Variants in SMAP2 observed in about 807,000 individuals in gnomAD.
SMAP2 encodes small ArfGAP2, also known as stromal membrane-associated protein 2.
In SMAP2, 25 loss-of-function variants were observed where a neutral mutation model predicts 56.4. The observed-to-expected ratio is 0.44, with a 90% CI of 0.32 to 0.62. SMAP2 has a LOEUF of 0.62. SMAP2 is among the 20% of genes least tolerant of loss of function. The probability of loss-of-function intolerance (pLI) is 0.04; values close to 1 mark genes in which losing one functional copy is unlikely to be tolerated. For missense variants in SMAP2, 388 were observed against 545.6 expected, an observed-to-expected ratio of 0.71 and a Z score of 2.88; for synonymous variants, 157 against 181.7, an observed-to-expected ratio of 0.86 and a Z score of 1.09.
intron 1 of SMAP2, among the ~76,000 whole-genome samples, chr1:40,346,543 A>C (rs2124148694): frequency 6.6e-6 from 1 of 151,734 alleles, no homozygotes; most frequent in East Asian, 2.0e-4. Context: ...CTAACTTTTT[A>C]ATTTTTTGTA....
At chr1:40,356,600 C>T (rs779226425) in intron 1 of SMAP2, among the ~76,000 whole-genome samples, 4 of 151,836 alleles carry the variant, frequency 2.6e-5, no homozygotes, top group East Asian at 1.9e-4. Context: ...TTGGTAGAGA[C>T]GGGGTTTCAC....
In SMAP2 at chr1:40,386,199, A is replaced by C. The variant is rs1644652795; in HGVS notation, c.103+11976A>C. ...AAAACAGCAGAGCTGACGGAAACCA[A>C]TTTGAGTGTGACAGCTGATTTGAGA... On this transcript the variant is annotated intron_variant, in intron 1 of 9. Coordinates refer to ENST00000372718, the MANE Select transcript of SMAP2 (RefSeq NM_022733.3). This position sits in a 1 kb window ranked among gnomAD's most constrained non-coding sequence, Gnocchi z 4.1. 6.6e-6 allele frequency among the ~76,000 whole-genome samples: 1 copy of C among 152,230 alleles called. No homozygotes were observed. The highest frequency in any genetic ancestry group is 1.5e-5 in the Non-Finnish European group (1 of 68,040).
chr1:40,420,057 C>G (rs1355026043), intron 9 of SMAP2, among the ~76,000 whole-genome samples: 1 of 152,086 alleles, frequency 6.6e-6, no homozygotes, highest in Admixed American at 6.6e-5. Flanking sequence ...TTTTGGAAAA[C>G]TGTATTTACC....
intron 1 of SMAP2, among the ~76,000 whole-genome samples, chr1:40,396,323 A>G (rs1275285726): frequency 6.6e-6 from 1 of 152,224 alleles, no homozygotes; most frequent in Non-Finnish European, 1.5e-5. Flanking sequence ...CTGACTCAGC[A>G]TTGGACAAGC....
At chr1:40,406,945 C>G (rs1644891181) in intron 2 of SMAP2, 76 bp downstream of exon 2, 1 of 1,486,262 alleles carries the variant, frequency 6.7e-7, no homozygotes, top group Non-Finnish European at 9.1e-7. Flanking sequence ...TCAGTCAAAC[C>G]TGGCACAAAG....
In SMAP2 at chr1:40,413,013, T is replaced by C. The variant is rs759395735; in HGVS notation, c.403-3T>C. On this transcript the variant is annotated splice_polypyrimidine_tract_variant and splice_region_variant and intron_variant, in intron 4 of 9. Transcript: ENST00000372718. ...TGTTCTTTGTCTTGTTAAATCATTA[T>C]AGAAAGAAAAAGATGACAAGTGGAA... is the stretch of plus-strand genomic sequence containing the variant. 7.5e-6 allele frequency: 12 copies of C among 1,605,838 alleles called. No homozygotes were observed. The East Asian group carries it at 1.6e-4, about 21-fold the overall frequency.
At chr1:40,393,600 C>T in intron 1 of SMAP2, 2 of 1,209,682 alleles carry the variant, frequency 1.7e-6, no homozygotes, top group Admixed American at 2.7e-5. Flanking sequence ...GGCTGGAGTA[C>T]AGTGGCTCAA....
At chr1:40,372,659 C>A (rs1312118292), upstream of SMAP2, among the ~76,000 whole-genome samples, 1 of 152,120 alleles carries the variant, frequency 6.6e-6, no homozygotes, top group East Asian at 1.9e-4. Context: ...GAGATGAAAG[C>A]TTTGAGGGGA....
At chr1:40,416,398 C>T in intron 8 of SMAP2, 57 bp downstream of exon 8, 1 of 1,554,480 alleles carries the variant, frequency 6.4e-7, no homozygotes, top group Non-Finnish European at 8.7e-7. Flanking sequence ...GGCTTCCATG[C>T]AGGAATTATT....
intron 1 of SMAP2, among the ~76,000 whole-genome samples, chr1:40,345,458 A>G (rs1644381854): frequency 1.3e-5 from 2 of 150,998 alleles, no homozygotes; most frequent in Non-Finnish European, 2.9e-5. Flanking sequence ...TCATCCACAC[A>G]CACCCCCACC....
intron 2 of SMAP2, chr1:40,365,118 A>G: frequency 5.0e-6 from 1 of 201,640 alleles, no homozygotes; most frequent in South Asian, 1.0e-4. Flanking sequence ...TACTCAAGAA[A>G]AATTGCCAAG....
Position 40,412,999 on chromosome 1 carries a change from T to A in SMAP2, c.403-17T>A. 1 of 1,590,442 alleles carries A rather than the reference T, an allele frequency of 6.3e-7. No homozygotes were observed. On this transcript the variant is annotated splice_polypyrimidine_tract_variant and intron_variant, in intron 4 of 9. Coordinates refer to ENST00000372718, the MANE Select transcript of SMAP2 (RefSeq NM_022733.3). Reference sequence around the variant, plus strand: ...CACCTTGGGCCCTGTGTTCTTTGTCTTGTTAAATCATTATAGAAAGAAAAA... The same window carrying A: ...CACCTTGGGCCCTGTGTTCTTTGTCATGTTAAATCATTATAGAAAGAAAAA...
At chr1:40,402,382 T>G (rs1488214716) in intron 1 of SMAP2, among the ~76,000 whole-genome samples, 3 of 152,224 alleles carry the variant, frequency 2.0e-5, no homozygotes, top group African/African-American at 7.2e-5. Flanking sequence ...ATATGGTAGA[T>G]TATTATTTAC....
chr1:40,394,484 G>T (rs549285812), intron 1 of SMAP2, among the ~76,000 whole-genome samples: 1 of 152,056 alleles, frequency 6.6e-6, no homozygotes, highest in South Asian at 2.1e-4. Flanking sequence ...GAAGCAACTG[G>T]GGGCTTCATT....
intron 1 of SMAP2, among the ~76,000 whole-genome samples, chr1:40,355,764 A>G (rs947786855): frequency 6.6e-6 from 1 of 151,984 alleles, no homozygotes. Flanking sequence ...CTGGAACTAC[A>G]AGCATGTGCT....
intron 1 of SMAP2, among the ~76,000 whole-genome samples, chr1:40,351,962 T>C (rs1263544495): frequency 6.6e-6 from 1 of 152,102 alleles, no homozygotes; most frequent in Non-Finnish European, 1.5e-5. Context: ...CTTTGGGTTA[T>C]GCACATCCCT....
intron 2 of SMAP2, among the ~76,000 whole-genome samples, chr1:40,367,944 A>G (rs915344326): frequency 1.4e-4 from 18 of 128,644 alleles, no homozygotes; most frequent in African/African-American, 5.5e-4. Context: ...AACAAAATTG[A>G]TAGACCGCTA....
intron 1 of SMAP2, among the ~76,000 whole-genome samples, chr1:40,350,222 G>A (rs922512499): frequency 3.9e-5 from 6 of 152,200 alleles, no homozygotes; most frequent in Non-Finnish European, 8.8e-5. Context: ...GCAGTCACTG[G>A]TTTCCTGAGT....
chr1:40,393,240 T>C (rs1644734564), intron 1 of SMAP2: 2 of 1,312,008 alleles, frequency 1.5e-6, no homozygotes, highest in African/African-American at 1.5e-5. Flanking sequence ...GTGGGAGGAT[T>C]GCTTGAGCAT....
Sources: allele counts gnomAD v4.1 joint callset (sites outside exome capture counted in the v4.1 genomes callset), GRCh38; gene constraint gnomAD v4.1.1; non-coding constraint Gnocchi (gnomAD v3.1); transcripts MANE v1.5; gene names NCBI Gene and HGNC (gene_info 2026-07-23, HGNC 2026-07-21).